POU2F1: variants seen among roughly 807,000 people sequenced by gnomAD.
The protein encoded by POU2F1 is POU domain, class 2, transcription factor 1.
Under a neutral mutation model 84.9 loss-of-function variants are expected in POU2F1, and 16 were observed. The ratio of observed to expected loss-of-function variants is 0.19; its 90% CI spans 0.13 to 0.29. The LOEUF (loss-of-function observed/expected upper bound fraction) is 0.29, where lower values mean the gene tolerates loss of function less well. Ranked by LOEUF, POU2F1 falls within the 10% of genes least tolerant of loss-of-function variation. POU2F1 has a pLI of 1.00. For missense variants in POU2F1, 738 were observed against 942.6 expected (o/e 0.78, Z 2.84); for synonymous variants, 368 against 368.3 (o/e 1.00, Z 0.01).
intron 1 of POU2F1, among the ~76,000 whole-genome samples, chr1:167,308,799 A>T (rs1185661436): frequency 6.6e-6 from 1 of 152,152 alleles, no homozygotes; most frequent in African/African-American, 2.4e-5. Flanking sequence ...GATTACAGGC[A>T]TGAGCCACCG....
intron 1 of POU2F1, among the ~76,000 whole-genome samples, chr1:167,317,238 G>T (rs567519014): frequency 3.3e-5 from 5 of 152,246 alleles, no homozygotes; most frequent in African/African-American, 1.2e-4. Flanking sequence ...TTACTATATG[G>T]TCCTGTGTTA....
chr1:167,325,702 C>T (rs1389075971), intron 1 of POU2F1, among the ~76,000 whole-genome samples: 1 of 151,818 alleles, frequency 6.6e-6, no homozygotes, highest in Non-Finnish European at 1.5e-5. Context: ...CCAGCCTGGC[C>T]AACATGGTGA....
intron 1 of POU2F1, among the ~76,000 whole-genome samples, chr1:167,242,144 TC>T (rs1649954121): frequency 6.6e-6 from 1 of 152,230 alleles, no homozygotes; most frequent in Admixed American, 6.5e-5. Context: ...TGCTGCTTGT[TC>T]ATTTACACTT....
chr1:167,357,388 C>T (rs1217299087), intron 2 of POU2F1: 1 of 91,098 alleles, frequency 1.1e-5, no homozygotes, highest in Non-Finnish European at 2.1e-5. Context: ...CACCCCCCCC[C>T]GCTTCTTTGT....
chr1:167,280,300 G>T (rs1266089040), intron 1 of POU2F1, among the ~76,000 whole-genome samples: 4 of 150,998 alleles, frequency 2.6e-5, no homozygotes, highest in Admixed American at 2.6e-4. Context: ...AATATGCTTG[G>T]TGTTTGAGCT....
intron 2 of POU2F1, among the ~76,000 whole-genome samples, chr1:167,351,537 A>AAAAAAAG: frequency 6.8e-6 from 1 of 146,416 alleles, no homozygotes; most frequent in Non-Finnish European, 1.5e-5. Context: ...AAAAAAAAAA[A>AAAAAAAG]AAAAAAGAAA....
chr1:167,354,385 G>A (rs968396195), intron 2 of POU2F1, among the ~76,000 whole-genome samples: 2 of 152,090 alleles, frequency 1.3e-5, no homozygotes, highest in East Asian at 1.9e-4. Context: ...TCGGCCTCCC[G>A]GGTTCAAGCA....
At chr1:167,350,514 G>A (rs1302440311) in intron 2 of POU2F1, among the ~76,000 whole-genome samples, 1 of 151,970 alleles carries the variant, frequency 6.6e-6, no homozygotes, top group African/African-American at 2.4e-5. Flanking sequence ...GCAAAAGACA[G>A]ATTTTTTTTC....
chr1:167,313,419 C>G (rs904239236), intron 1 of POU2F1, among the ~76,000 whole-genome samples: 42 of 152,086 alleles, frequency 2.8e-4, no homozygotes, highest in Admixed American at 2.7e-3. Flanking sequence ...ACCCCAATTT[C>G]AAGACTTATT....
At chr1:167,238,997 C>T (rs1373369884) in intron 1 of POU2F1, among the ~76,000 whole-genome samples, 5 of 152,294 alleles carry the variant, frequency 3.3e-5, no homozygotes, top group African/African-American at 7.2e-5. Context: ...AATCCAGGCA[C>T]ACACTCTAAA....
At chr1:167,367,830 C>A (rs1366682053) in intron 3 of POU2F1, among the ~76,000 whole-genome samples, 1 of 151,300 alleles carries the variant, frequency 6.6e-6, no homozygotes, top group Non-Finnish European at 1.5e-5. Flanking sequence ...ATTATGTTGC[C>A]CAGGTTGATC....
In POU2F1 at chr1:167,426,476, G is replaced by A. The variant is rs1650957265; in HGVS notation, c.*10666G>A. ...ATATTCAATAATAATCTCCCACCAG[G>A]TGTCAATTTAGATTGCATATTCCTC... On this transcript the variant is annotated 3_prime_UTR_variant, in exon 16 of 16. Coordinates refer to ENST00000367866, the MANE Select transcript of POU2F1 (RefSeq NM_002697.4). 2 of 152,152 alleles carry A rather than the reference G, an allele frequency of 1.3e-5. No individual in the cohort carries two copies. Among genetic ancestry groups the A allele is most frequent in the Admixed American group, 1.3e-4 (2 of 15,280 alleles). 9.4% of individuals were successfully genotyped at this position (152,152 alleles called of 1,614,324 possible). A position where few individuals can be genotyped will look rare whatever the true frequency, so the allele number is the denominator to read the frequency against.
intron 2 of POU2F1, among the ~76,000 whole-genome samples, chr1:167,357,037 T>C (rs1392319877): frequency 6.6e-6 from 1 of 152,158 alleles, no homozygotes; most frequent in African/African-American, 2.4e-5. Context: ...TGCCTTCAAT[T>C]AACACTTTAG....
chr1:167,329,068 T>A (rs1201330548), intron 1 of POU2F1: 1 of 1,204,948 alleles, frequency 8.3e-7, no homozygotes, highest in Non-Finnish European at 1.0e-6. Flanking sequence ...AACTGAAGTT[T>A]CCTTATTCAG....
chr1:167,365,540 G>T lies in POU2F1; in HGVS notation c.201G>T (p.Ala67=), dbSNP rs561693877. The T allele has an allele frequency of 1.9e-6, 3 of 1,600,308 alleles. No individual in the cohort carries two copies. Among genetic ancestry groups the T allele is most frequent in the South Asian group, 1.1e-5 (1 of 88,600 alleles). The change falls in exon 3 of 16, where the codon GCG becomes GCT. Residue 67 remains alanine, a synonymous_variant. Coordinates refer to ENST00000367866, the MANE Select transcript of POU2F1 (RefSeq NM_002697.4). ...PVGGAISTAQ[A]QAFLGHLHQV... is the part of the protein sequence containing the mutation. ...GAGGAGCAATCTCAACAGCCCAGGC[G>T]CAGGCTTTCCTTGGACATCTCCATC...
intron 1 of POU2F1, among the ~76,000 whole-genome samples, chr1:167,314,199 GA>G (rs886749021): frequency 3.3e-3 from 238 of 71,640 alleles, no homozygotes; most frequent in Middle Eastern, 0.026. Flanking sequence ...CTCTGTCTCA[GA>G]AAAAAAAAAA....
At chr1:167,334,151 CTTTTTTTTTT>C (rs57242474) in intron 2 of POU2F1, among the ~76,000 whole-genome samples, 1 of 66,794 alleles carries the variant, frequency 1.5e-5, no homozygotes, top group Non-Finnish European at 2.6e-5. Context: ...AACTACAACA[CTTTTTTTTTT>C]TTTTTTTTTT....
At chr1:167,237,410 C>G (rs1490244287) in intron 1 of POU2F1, among the ~76,000 whole-genome samples, 1 of 152,082 alleles carries the variant, frequency 6.6e-6, no homozygotes, top group Non-Finnish European at 1.5e-5. Context: ...AGTAACAGCC[C>G]TGTTGGTCTT....
chr1:167,302,183 T>TGCCTCA (rs1437495430), intron 1 of POU2F1, among the ~76,000 whole-genome samples: 16 of 151,992 alleles, frequency 1.1e-4, no homozygotes, highest in East Asian at 1.9e-4. Flanking sequence ...GCGATTCTCC[T>TGCCTCA]GCCTCAGCCT....
Sources: allele counts gnomAD v4.1 joint callset (sites outside exome capture counted in the v4.1 genomes callset), GRCh38; gene constraint gnomAD v4.1.1; transcripts MANE v1.5; gene names NCBI Gene and HGNC (gene_info 2026-07-23, HGNC 2026-07-21).